ACTL8: variants seen among roughly 807,000 people sequenced by gnomAD.
ACTL8 encodes actin-like protein 8.
ACTL8 carries 3 observed loss-of-function variants against 9.3 expected under a neutral mutation model. The observed-to-expected ratio is 0.32, with a 90% CI of 0.15 to 0.83. The LOEUF (loss-of-function observed/expected upper bound fraction) is 0.83, where lower values mean the gene tolerates loss of function less well. Ranked by LOEUF, ACTL8 falls within the 40% of genes least tolerant of loss-of-function variation. The probability of loss-of-function intolerance (pLI) is 0.57; values close to 1 mark genes in which losing one functional copy is unlikely to be tolerated. For missense variants in ACTL8, 381 were observed against 492.2 expected, an observed-to-expected ratio of 0.77 and a Z score of 2.14; for synonymous variants, 224 against 205.9, an observed-to-expected ratio of 1.09 and a Z score of -0.75.
chr1:17,772,534 C>G (rs952263064), intron 1 of ACTL8, among the ~76,000 whole-genome samples: 6 of 152,148 alleles, frequency 3.9e-5, no homozygotes, highest in African/African-American at 1.2e-4. Flanking sequence ...AAGCTGACAC[C>G]AGGGATGTTG....
At chr1:17,824,049 G>T (rs1034770554) in intron 2 of ACTL8, among the ~76,000 whole-genome samples, 6 of 152,190 alleles carry the variant, frequency 3.9e-5, no homozygotes, top group African/African-American at 1.4e-4. Context: ...GTGGACTGTT[G>T]GGGGTGGGGA....
chr1:17,823,381 C>T lies in ACTL8; in HGVS notation c.348+25C>T. The T allele has an allele frequency of 1.3e-6, 2 of 1,589,100 alleles. No homozygotes were observed. The highest frequency in any genetic ancestry group is 1.7e-6 in the Non-Finnish European group (2 of 1,166,958). On this transcript the variant is annotated intron_variant, in intron 2 of 2. Coordinates refer to ENST00000375406, the MANE Select transcript of ACTL8 (RefSeq NM_030812.3). The surrounding 1 kb of genome is among the most constrained non-coding windows in gnomAD (Gnocchi z 5.3). ...GGTGAGGCCTGCCGGGGCCTGCTCC[C>T]ACTCGGGAGCGGGAAACAGACTGAC...
intron 1 of ACTL8, among the ~76,000 whole-genome samples, chr1:17,804,720 G>A (rs1193744611): frequency 3.3e-5 from 5 of 151,826 alleles, no homozygotes; most frequent in African/African-American, 1.2e-4. Flanking sequence ...GGGTTCAAGC[G>A]ATTCTTCTGC....
At chr1:17,813,717 G>C (rs1469269439) in intron 1 of ACTL8, among the ~76,000 whole-genome samples, 1 of 152,010 alleles carries the variant, frequency 6.6e-6, no homozygotes, top group African/African-American at 2.4e-5. Context: ...TTAAATGTTG[G>C]GTAAATTCTC....
chr1:17,766,433 C>T (rs1279573990), intron 1 of ACTL8, among the ~76,000 whole-genome samples: 2 of 152,216 alleles, frequency 1.3e-5, no homozygotes, highest in Non-Finnish European at 2.9e-5. Context: ...GTCACACACA[C>T]TCGGTCTGGG....
intron 1 of ACTL8, among the ~76,000 whole-genome samples, chr1:17,819,242 G>A (rs1409291448): frequency 4.6e-5 from 7 of 152,246 alleles, no homozygotes; most frequent in African/African-American, 1.7e-4. Flanking sequence ...GGCAGAGCCC[G>A]CTTCCCGGAA....
intron 1 of ACTL8, among the ~76,000 whole-genome samples, chr1:17,788,097 C>T (rs113679159): frequency 0.016 from 2,496 of 152,294 alleles, 48 homozygotes; most frequent in Non-Finnish European, 0.022. Flanking sequence ...GGTCCTCTGC[C>T]CCTTCTTGTC....
chr1:17,775,752 C>A (rs1353763969), intron 1 of ACTL8, among the ~76,000 whole-genome samples: 2 of 152,176 alleles, frequency 1.3e-5, no homozygotes, highest in African/African-American at 4.8e-5. Flanking sequence ...TTGAGAATGT[C>A]CCTTTTGGGG....
At chr1:17,769,488 G>C in intron 1 of ACTL8, among the ~76,000 whole-genome samples, 1 of 137,722 alleles carries the variant, frequency 7.3e-6, no homozygotes, top group Non-Finnish European at 1.6e-5. Context: ...GCTGAGTCCT[G>C]CCCTGGACAT....
At chr1:17,766,819 A>ATT (rs58783077) in intron 1 of ACTL8, among the ~76,000 whole-genome samples, 1 of 151,952 alleles carries the variant, frequency 6.6e-6, no homozygotes, top group African/African-American at 2.4e-5. Flanking sequence ...AACTTACTGC[A>ATT]TTTTTTTCTC....
chr1:17,799,243 C>T (rs1032730319), intron 1 of ACTL8, among the ~76,000 whole-genome samples: 3 of 152,198 alleles, frequency 2.0e-5, no homozygotes, highest in East Asian at 1.9e-4. Flanking sequence ...CTCCCACCAG[C>T]GGGGTTGGGA....
intron 1 of ACTL8, among the ~76,000 whole-genome samples, chr1:17,801,125 G>A (rs952406650): frequency 6.6e-6 from 1 of 152,202 alleles, no homozygotes; most frequent in Non-Finnish European, 1.5e-5. Flanking sequence ...ATAAAGCTCT[G>A]TGTGCCAGAC....
intron 1 of ACTL8, among the ~76,000 whole-genome samples, chr1:17,804,475 G>T (rs11203468): frequency 0.12 from 17,956 of 152,124 alleles, 1,177 homozygotes; most frequent in Admixed American, 0.16. Context: ...TGGGGAAAGG[G>T]CAGGTCCAAA....
intron 1 of ACTL8, among the ~76,000 whole-genome samples, chr1:17,781,568 C>T (rs2066155149): frequency 6.6e-6 from 1 of 152,136 alleles, no homozygotes; most frequent in Non-Finnish European, 1.5e-5. Context: ...AGTCATTGGG[C>T]TTAGGGCCCA....
chr1:17,791,816 AG>A lies in ACTL8; in HGVS notation c.-24-31164del, dbSNP rs370960356. 1.8e-4 allele frequency among the ~76,000 whole-genome samples: 28 copies of A among 152,362 alleles called. No individual in the cohort carries two copies. In the South Asian group the frequency reaches 5.4e-3, roughly 29 times the overall value. ...CCATTAATCATTATTGTTGGCTCCC[AG>A]GGGGATGGATCCCTGATTAGTGTCA... On this transcript the variant is annotated intron_variant, in intron 1 of 2. Coordinates refer to ENST00000375406, the MANE Select transcript of ACTL8 (RefSeq NM_030812.3).
chr1:17,804,201 G>T (rs2066342389), intron 1 of ACTL8, among the ~76,000 whole-genome samples: 1 of 152,138 alleles, frequency 6.6e-6, no homozygotes, highest in Non-Finnish European at 1.5e-5. Context: ...TCTTCTTCAG[G>T]CTGTAGTGGG....
chr1:17,799,147 G>A (rs1284520522), intron 1 of ACTL8, among the ~76,000 whole-genome samples: 1 of 152,286 alleles, frequency 6.6e-6, no homozygotes, highest in East Asian at 1.9e-4. Context: ...GGTGTGCCAA[G>A]GTTTGGGAAA....
intron 1 of ACTL8, among the ~76,000 whole-genome samples, chr1:17,817,146 T>G (rs1012411885): frequency 3.9e-5 from 6 of 152,086 alleles, no homozygotes; most frequent in African/African-American, 1.4e-4. Flanking sequence ...GCTTACTTCA[T>G]CCTGGTGAGC....
At chr1:17,806,912 G>C (rs560367575) in intron 1 of ACTL8, among the ~76,000 whole-genome samples, 1 of 152,202 alleles carries the variant, frequency 6.6e-6, no homozygotes, top group East Asian at 1.9e-4. Flanking sequence ...CACGGGATGC[G>C]TCCCACTGGG....
Sources: gnomAD v4.1 joint callset for allele counts (sites outside exome capture counted in the v4.1 genomes callset) on GRCh38, gnomAD v4.1.1 for gene constraint, Gnocchi (gnomAD v3.1) non-coding constraint, MANE v1.5 for transcripts, NCBI Gene and HGNC (gene_info 2026-07-23, HGNC 2026-07-21) for gene names.